The following TMEM71 variants were observed in gnomAD, a reference collection of about 807,000 sequenced individuals.
TMEM71 encodes transmembrane protein 71.
TMEM71 carries 44 observed loss-of-function variants against 38.0 expected under a neutral mutation model. The ratio of observed to expected loss-of-function variants is 1.16; its 90% CI spans 0.91 to 1.49. The LOEUF is 1.49. TMEM71 is among the 40% of genes most tolerant of loss of function. The pLI is 0.00. For missense variants in TMEM71, 367 were observed against 348.6 expected (o/e 1.05, Z -0.42); for synonymous variants, 133 against 122.5 (o/e 1.09, Z -0.56).
chr8:132,747,992 AG>A (rs1210092730), intron 4 of TMEM71, among the ~76,000 whole-genome samples: 1 of 152,172 alleles, frequency 6.6e-6, no homozygotes, highest in Non-Finnish European at 1.5e-5. Context: ...TTGAGGTCAG[AG>A]GGGTTAATCG....
At chr8:132,722,340 TATAAA>T (rs757032353) in intron 6 of TMEM71, among the ~76,000 whole-genome samples, 7 of 152,240 alleles carry the variant, frequency 4.6e-5, no homozygotes, top group Non-Finnish European at 1.0e-4. Flanking sequence ...CTTCAATCAC[TATAAA>T]ATAAAAGACT....
At chr8:132,726,854 CTTTTTT>C (rs138185825) in intron 6 of TMEM71, among the ~76,000 whole-genome samples, 1 of 139,998 alleles carries the variant, frequency 7.1e-6, no homozygotes, top group Non-Finnish European at 1.6e-5. Context: ...TCTTCTTCTT[CTTTTTT>C]TTTTTTTTGG....
chr8:132,769,087 A>C, the TMEM71 span, among the ~76,000 whole-genome samples: 1 of 152,272 alleles, frequency 6.6e-6, no homozygotes, highest in Non-Finnish European at 1.5e-5. Flanking sequence ...ACAGATGTTC[A>C]ATAAACGCAT....
chr8:132,759,297 C>G lies in TMEM71; in HGVS notation c.-36-382G>C, dbSNP rs887115041. On this transcript the variant is annotated intron_variant, in intron 1 of 9. Transcript: ENST00000677595. Reference sequence around the variant, plus strand: ...GTCATTTAGCCCCAAAACAAACTTACGTGTATTTTAATCATCTGACACAAG... The same window carrying G: ...GTCATTTAGCCCCAAAACAAACTTAGGTGTATTTTAATCATCTGACACAAG... 6 of 156,942 alleles carry G rather than the reference C, an allele frequency of 3.8e-5. No individual in the cohort carries two copies. In the South Asian group the frequency reaches 9.2e-4, roughly 24 times the overall value. 9.7% of individuals were successfully genotyped at this position (156,942 alleles called of 1,614,324 possible). A position where few individuals can be genotyped will look rare whatever the true frequency, so the allele number is the denominator to read the frequency against.
intron 6 of TMEM71, among the ~76,000 whole-genome samples, chr8:132,727,009 AC>A (rs1467729994): frequency 6.6e-6 from 1 of 151,950 alleles, no homozygotes; most frequent in African/African-American, 2.4e-5. Context: ...GGCATGTGCC[AC>A]CATGCCCAGC....
At chr8:132,751,340 A>G (rs1473871305) in intron 4 of TMEM71, among the ~76,000 whole-genome samples, 1 of 152,132 alleles carries the variant, frequency 6.6e-6, no homozygotes, top group Non-Finnish European at 1.5e-5. Flanking sequence ...TTTTATTTTA[A>G]CTAACATCCT....
chr8:132,746,446 C>CATATACATATAT (rs1259820153), intron 5 of TMEM71, among the ~76,000 whole-genome samples: 8 of 13,226 alleles, frequency 6.0e-4, no homozygotes, highest in Non-Finnish European at 1.0e-3. Context: ...TATACATATA[C>CATATACATATAT]ATATACATAT....
At chr8:132,756,128 T>C (rs1407127383) in intron 3 of TMEM71, among the ~76,000 whole-genome samples, 4 of 151,968 alleles carry the variant, frequency 2.6e-5, no homozygotes, top group African/African-American at 9.7e-5. Flanking sequence ...CATCAACTGA[T>C]GTCTGTATAA....
downstream of TMEM71, among the ~76,000 whole-genome samples, chr8:132,706,264 T>G (rs146950314): frequency 7.0e-3 from 1,073 of 152,274 alleles, 14 homozygotes; most frequent in African/African-American, 0.025. Context: ...GTGGAAATCC[T>G]CTACAGTCCT....
Position 132,758,751 on chromosome 8 carries a change from G to T in TMEM71, c.40+89C>A. The T allele has an allele frequency of 3.6e-6, 4 of 1,114,062 alleles. No individual in the cohort carries two copies. The South Asian group carries it at 3.8e-5, about 10-fold the overall frequency. The allele number at this position is 1,114,062 out of a possible 1,614,324, so 69.0% of individuals were successfully genotyped here. On this transcript the variant is annotated intron_variant, in intron 2 of 9. Transcript: ENST00000677595. ...GCTACTGACAGATGGTTAATGGTCT[G>T]AGTATCAGCAAAATCAAAGCAAGGA...
chr8:132,716,114 A>G (rs1223214994), intron 7 of TMEM71, among the ~76,000 whole-genome samples: 1 of 152,166 alleles, frequency 6.6e-6, no homozygotes, highest in East Asian at 1.9e-4. Flanking sequence ...CCGCTCAGCC[A>G]TGGCTCTGAA....
intron 2 of TMEM71, 66 bp from the exon 3 acceptor site, chr8:132,757,360 C>T (rs1267630962): frequency 2.5e-6 from 3 of 1,206,456 alleles, no homozygotes; most frequent in East Asian, 2.4e-5. Flanking sequence ...TATGTTGATA[C>T]ATGTATCAAT....
At chr8:132,739,136 T>C (rs1827902103) in intron 5 of TMEM71, among the ~76,000 whole-genome samples, 1 of 152,204 alleles carries the variant, frequency 6.6e-6, no homozygotes, top group African/African-American at 2.4e-5. Context: ...ATTATACACT[T>C]AAGTTAATAG....
intron 3 of TMEM71, among the ~76,000 whole-genome samples, chr8:132,753,829 GCAC>G (rs1239750882): frequency 6.6e-6 from 1 of 152,118 alleles, no homozygotes; most frequent in Non-Finnish European, 1.5e-5. Flanking sequence ...TCTGTGCTTA[GCAC>G]CTAGTATGGG....
At chr8:132,761,038 C>A (rs1211113403), upstream of TMEM71, among the ~76,000 whole-genome samples, 6 of 152,142 alleles carry the variant, frequency 3.9e-5, no homozygotes, top group African/African-American at 1.4e-4. Flanking sequence ...TCTATAGAGG[C>A]AATAGGTTTA....
At chr8:132,734,336 C>T (rs754186458) in intron 5 of TMEM71, among the ~76,000 whole-genome samples, 3 of 152,078 alleles carry the variant, frequency 2.0e-5, no homozygotes, top group African/African-American at 2.4e-5. Context: ...ATAGCAATTA[C>T]ACCTCAATAA....
chr8:132,727,855 G>A lies in TMEM71; in HGVS notation c.619C>T (p.Leu207Phe). The A allele has an allele frequency of 3.1e-6, 5 of 1,614,110 alleles. No individual in the cohort carries two copies. The highest frequency in any genetic ancestry group is 3.4e-6 in the Non-Finnish European group (4 of 1,179,980). ...TCAGAAGCTGTCAACTGGGACTGAAGAGACAAGCTATGGGAGTTTCCTCCA... is the reference window on the plus strand; with the variant it reads ...TCAGAAGCTGTCAACTGGGACTGAAAAGACAAGCTATGGGAGTTTCCTCCA... ...PPGGNSHSLSLQSQLTASERF... is the reference protein window; with the variant it reads ...PPGGNSHSLSFQSQLTASERF... Residue 207 changes from leucine (L) to phenylalanine (F), a missense_variant, in exon 6 of 10, where the codon CTT becomes TTT. By Grantham distance (22) the Leu-to-Phe change is conservative (BLOSUM62 0). Coordinates refer to ENST00000677595, the MANE Select transcript of TMEM71 (RefSeq NM_001382403.1).
intron 5 of TMEM71, among the ~76,000 whole-genome samples, chr8:132,746,398 TAC>T (rs1214113073): frequency 5.1e-5 from 1 of 19,664 alleles, no homozygotes; most frequent in Non-Finnish European, 1.5e-4. Context: ...CATATATATA[TAC>T]ATATATATAT....
intron 5 of TMEM71, among the ~76,000 whole-genome samples, chr8:132,738,163 TTA>T (rs1827848622): frequency 6.6e-6 from 1 of 152,188 alleles, no homozygotes; most frequent in Admixed American, 6.5e-5. Context: ...TTTTTTTATT[TTA>T]TATATAAGAA....
Sources: gnomAD v4.1 joint callset for allele counts (sites outside exome capture counted in the v4.1 genomes callset) on GRCh38, gnomAD v4.1.1 for gene constraint, MANE v1.5 for transcripts, NCBI Gene and HGNC (gene_info 2026-07-23, HGNC 2026-07-21) for gene names.